The following KDM5B variants were observed in gnomAD, a reference collection of about 807,000 sequenced individuals.
The protein encoded by KDM5B is lysine demethylase 5B.
In KDM5B, 144 loss-of-function variants were observed where a neutral mutation model predicts 193.4. The observed-to-expected ratio is 0.74, with a 90% CI of 0.65 to 0.86. The LOEUF is 0.86. KDM5B is among the 40% of genes least tolerant of loss of function. The pLI, the probability that KDM5B is intolerant of heterozygous loss-of-function variation, is 0.00. For missense variants in KDM5B, 1,833 were observed against 1,886.9 expected (o/e 0.97, Z 0.53); for synonymous variants, 668 against 682.6 (o/e 0.98, Z 0.33).
intron 25 of KDM5B, 68 bp downstream of exon 25, chr1:202,730,841 G>C (rs1005726493): frequency 6.9e-7 from 1 of 1,446,024 alleles, no homozygotes; most frequent in African/African-American, 1.4e-5. Flanking sequence ...GTTATGTTTC[G>C]AGGAGTAAAA....
At chr1:202,757,001 TC>T (rs1273101351) in intron 9 of KDM5B, among the ~76,000 whole-genome samples, 2 of 152,118 alleles carry the variant, frequency 1.3e-5, no homozygotes, top group African/African-American at 4.8e-5. Context: ...ATAGCAGTGG[TC>T]GCCAGTGTCC....
chr1:202,750,573 C>G (rs1655748957), intron 13 of KDM5B, 86 bp downstream of exon 13: 4 of 1,447,888 alleles, frequency 2.8e-6, no homozygotes. Context: ...CCGCACCCAG[C>G]CCACATGACA....
intron 22 of KDM5B, 83 bp from the exon 23 acceptor site, chr1:202,733,969 A>T (rs1654999028): frequency 1.4e-6 from 2 of 1,481,142 alleles, no homozygotes; most frequent in Non-Finnish European, 1.8e-6. Flanking sequence ...GGTTAAGAGC[A>T]TGGGATCCTG....
chr1:202,766,939 C>T lies in KDM5B; in HGVS notation c.698G>A (p.Arg233His). Residue 233 changes from arginine to histidine, a missense_variant, in exon 5 of 27, where the codon CGC (arginine) becomes CAC (histidine). Around this residue, in one of 3 missense-constraint regions of KDM5B, gnomAD observed 355 missense variants for 374.9 expected, o/e 0.95. Transcript: ENST00000367265. ...ETCPPARRAKRMRAEAMNIKI... is the reference protein window; with the variant it reads ...ETCPPARRAKHMRAEAMNIKI... ...TGAGGCTCTTACCTCTGCTCTCATGCGTTTTGCTCGTCGGGCTGGGGGGCA... is the reference window on the plus strand; with the variant it reads ...TGAGGCTCTTACCTCTGCTCTCATGTGTTTTGCTCGTCGGGCTGGGGGGCA... 2 of 1,580,064 alleles carry T rather than the reference C, an allele frequency of 1.3e-6. No homozygotes were observed. Among genetic ancestry groups the T allele is most frequent in the East Asian group, 2.2e-5 (1 of 44,740 alleles).
At position 202,808,393 on chromosome 1, in the gene KDM5B, G is replaced by T; in HGVS notation, c.-88C>A. On this transcript the variant is annotated 5_prime_UTR_variant, in exon 1 of 27. Coordinates refer to ENST00000367265, the MANE Select transcript of KDM5B (RefSeq NM_006618.5). ...TCGGTCCGAGACCCGTGCAGACGCG[G>T]CTCGAGCAACAGCAAGTCCGAGTTG... The T allele has an allele frequency of 1.6e-6, 2 of 1,265,242 alleles. No homozygotes were observed. Among genetic ancestry groups the T allele is most frequent in the Non-Finnish European group, 2.1e-6 (2 of 940,094 alleles). The allele number at this position is 1,265,242 out of a possible 1,614,324, so 78.4% of individuals were successfully genotyped here. A position where few individuals can be genotyped will look rare whatever the true frequency, so the allele number is the denominator to read the frequency against.
At chr1:202,740,004 G>A (rs1442727066) in intron 20 of KDM5B, among the ~76,000 whole-genome samples, 2 of 152,240 alleles carry the variant, frequency 1.3e-5, no homozygotes, top group Non-Finnish European at 2.9e-5. Flanking sequence ...CCTCCCAGAC[G>A]GGGTGGTGGC....
chr1:202,808,298 G>A lies in KDM5B; in HGVS notation c.8C>T (p.Ala3Val). The A allele has an allele frequency of 6.3e-7, 1 of 1,596,068 alleles. No individual in the cohort carries two copies. The highest frequency in any genetic ancestry group is 8.5e-7 in the Non-Finnish European group (1 of 1,172,626). The change falls in exon 1 of 27, where the codon GCG (alanine) becomes GTG (valine). Residue 3 changes from alanine to valine, a missense_variant. Ala to Val is a moderately conservative substitution (Grantham distance 64). Coordinates refer to ENST00000367265, the MANE Select transcript of KDM5B (RefSeq NM_006618.5). MEAATTLHPGPRP... is the reference protein window; with the variant it reads MEVATTLHPGPRP... ...CGGGCCTGGGTGCAGTGTGGTGGCCGCCTCCATCACCGCAGGCTGGGCAAG... is the reference window on the plus strand; with the variant it reads ...CGGGCCTGGGTGCAGTGTGGTGGCCACCTCCATCACCGCAGGCTGGGCAAG...
chr1:202,741,881 C>G (rs1655357442), intron 18 of KDM5B, among the ~76,000 whole-genome samples, 159 bp from the exon 19 acceptor site: 1 of 151,722 alleles, frequency 6.6e-6, no homozygotes, highest in Non-Finnish European at 1.5e-5. Context: ...ACAGCAAATA[C>G]TAAGTGACTA....
Position 202,733,539 on chromosome 1 carries a change from TTCAA to T in KDM5B, c.3767_3770del (p.Ile1256LysfsTer4). The T allele has an allele frequency of 6.2e-7, 1 of 1,614,168 alleles. No homozygotes were observed. Among genetic ancestry groups the T allele is most frequent in the Non-Finnish European group, 8.5e-7 (1 of 1,180,014 alleles). On this transcript the variant is annotated frameshift_variant, in exon 23 of 27. Coordinates refer to ENST00000367265, the MANE Select transcript of KDM5B (RefSeq NM_006618.5). LOFTEE classifies it high-confidence loss of function. ...CTCTGTGCTGCCAGTTCACGGTTCT[TTCAA>T]TCATATATCGAAGTGCATCTCCCTC...
chr1:202,738,397 A>C (rs757241476), intron 20 of KDM5B, among the ~76,000 whole-genome samples: 7 of 152,242 alleles, frequency 4.6e-5, no homozygotes, highest in Non-Finnish European at 8.8e-5. Flanking sequence ...ACTATCATTG[A>C]CAAGTGCCTG....
At position 202,746,310 on chromosome 1, in the gene KDM5B, G is replaced by C. The variant is rs530891664; in HGVS notation, c.2030C>G (p.Ser677Trp). ...ETVRKLGVIDSERMDFELLPD... is the reference protein window; with the variant it reads ...ETVRKLGVIDWERMDFELLPD... ...CAACAGCTCAAAATCCATTCTTTCC[G>C]AATCAATCACTCCCTAGAATAAAGT... Residue 677 changes from serine to tryptophan, a missense_variant, in exon 15 of 27, where the codon TCG (serine) becomes TGG (tryptophan). Physicochemically the swap from Ser to Trp is radical, Grantham distance 177. This residue lies in a region of KDM5B where 1,379 missense variants were observed against 1,349.6 expected (regional missense o/e 1.02). Transcript: ENST00000367265. 4 of 1,605,628 alleles carry C rather than the reference G, an allele frequency of 2.5e-6. No individual in the cohort carries two copies. In the African/African-American group the frequency reaches 4.1e-5, roughly 16 times the overall value.
chr1:202,796,787 G>A (rs1657865466), intron 1 of KDM5B: 1 of 160,108 alleles, frequency 6.2e-6, no homozygotes, highest in South Asian at 1.9e-4. Flanking sequence ...GACAACCATA[G>A]GAGTCAGCTT....
intron 20 of KDM5B, among the ~76,000 whole-genome samples, chr1:202,740,195 C>T (rs1367834757): frequency 1.3e-5 from 2 of 148,824 alleles, no homozygotes; most frequent in East Asian, 4.1e-4. Flanking sequence ...AGAGGCGCCC[C>T]TCACCTCCCG....
chr1:202,748,840 G>T, intron 14 of KDM5B, 105 bp downstream of exon 14: 1 of 934,754 alleles, frequency 1.1e-6, no homozygotes. Flanking sequence ...TGGCCTCAAA[G>T]AAAATAGGCT....
intron 9 of KDM5B, 30 bp downstream of exon 9, chr1:202,758,361 C>A: frequency 1.3e-6 from 2 of 1,539,220 alleles, no homozygotes; most frequent in Admixed American, 1.8e-5. Context: ...CTATTAAAAT[C>A]CTAAATCAAA....
intron 4 of KDM5B, among the ~76,000 whole-genome samples, chr1:202,768,566 G>C (rs1283639694): frequency 6.6e-6 from 1 of 152,034 alleles, no homozygotes; most frequent in Non-Finnish European, 1.5e-5. Flanking sequence ...ATTTCTAATA[G>C]TTAAGAAATA....
At chr1:202,796,739 C>T in intron 1 of KDM5B, 1 of 181,390 alleles carries the variant, frequency 5.5e-6, no homozygotes, top group East Asian at 1.2e-4. Flanking sequence ...GAAGAGCTGG[C>T]TGAATGGGCT....
chr1:202,777,440 G>A (rs1455573935), intron 1 of KDM5B, among the ~76,000 whole-genome samples: 3 of 148,556 alleles, frequency 2.0e-5, no homozygotes, highest in Non-Finnish European at 4.4e-5. Flanking sequence ...TTATATAACA[G>A]CTATATGTCT....
chr1:202,748,272 A>G (rs1655644753), intron 14 of KDM5B, among the ~76,000 whole-genome samples: 1 of 152,190 alleles, frequency 6.6e-6, no homozygotes, highest in Admixed American at 6.5e-5. Context: ...GAAAGACCTA[A>G]ATGTAAAACT....
Sources: gnomAD v4.1 joint callset for allele counts (sites outside exome capture counted in the v4.1 genomes callset) on GRCh38, gnomAD v4.1.1 for gene constraint, gnomAD v4.1.1 regional missense constraint, MANE v1.5 for transcripts, NCBI Gene and HGNC (gene_info 2026-07-23, HGNC 2026-07-21) for gene names.